Variants in EPHB1 observed in about 807,000 individuals in gnomAD.
EPHB1 encodes EPH receptor B1.
Under a neutral mutation model 94.4 loss-of-function variants are expected in EPHB1, and 30 were observed. The observed-to-expected ratio is 0.32, with a 90% CI of 0.24 to 0.43. EPHB1 has a LOEUF of 0.43. Ranked by LOEUF, EPHB1 falls within the 20% of genes least tolerant of loss-of-function variation. The pLI is 1.00. For missense variants in EPHB1, 1,055 were observed against 1,308.3 expected (o/e 0.81, Z 2.99); for synonymous variants, 522 against 489.1 (o/e 1.07, Z -0.89).
chr3:134,807,548 AGAG>A (rs1444504513), intron 1 of EPHB1, among the ~76,000 whole-genome samples: 8 of 4,202 alleles, frequency 1.9e-3, no homozygotes, highest in African/African-American at 3.8e-3. Flanking sequence ...TGTGAGAGAG[AGAG>A]GGGAGAGAGA....
chr3:135,198,968 C>CTTTT (rs538352424), intron 11 of EPHB1, among the ~76,000 whole-genome samples: 43 of 152,274 alleles, frequency 2.8e-4, no homozygotes, highest in African/African-American at 1.0e-3. Context: ...ATTTCTTGGT[C>CTTTT]TTTTTTGACC....
intron 5 of EPHB1, among the ~76,000 whole-genome samples, chr3:135,147,834 A>C (rs1941063913): frequency 2.0e-5 from 3 of 152,216 alleles, no homozygotes; most frequent in Admixed American, 2.0e-4. Context: ...TAGAGCTGGC[A>C]AGAGATGTCC....
chr3:134,951,976 T>G lies in EPHB1; in HGVS notation c.729T>G (p.Asp243Glu). 6.2e-7 allele frequency: 1 copy of G among 1,613,988 alleles called. No individual in the cohort carries two copies. The highest frequency in any genetic ancestry group is 8.5e-7 in the Non-Finnish European group (1 of 1,179,884). ...DVPIKLYCNG[D>E]GEWMVPIGRC... ...CCATCAAACTCTACTGCAACGGGGA[T>G]GGGGAATGGATGGTGCCTATTGGGC... The change falls in exon 3 of 16, where the codon GAT becomes GAG. Residue 243 changes from aspartate (D) to glutamate (E), a missense_variant. Physicochemically the swap from Asp to Glu is conservative, Grantham distance 45. Transcript: ENST00000398015. The surrounding 1 kb of genome is among the most constrained non-coding windows in gnomAD (Gnocchi z 4.5).
At chr3:134,918,395 A>G (rs1398607610) in intron 1 of EPHB1, among the ~76,000 whole-genome samples, 2 of 152,198 alleles carry the variant, frequency 1.3e-5, no homozygotes, top group Non-Finnish European at 2.9e-5. Flanking sequence ...CATATCTTGG[A>G]GTTAGTGGAG....
chr3:135,186,455 T>C (rs973587572), intron 10 of EPHB1, among the ~76,000 whole-genome samples: 3 of 152,254 alleles, frequency 2.0e-5, no homozygotes, highest in African/African-American at 7.2e-5. Context: ...AAAACTTGCT[T>C]GAAATCATGC....
chr3:135,100,176 TCCTC>T (rs1452048399), intron 3 of EPHB1, among the ~76,000 whole-genome samples: 1 of 152,056 alleles, frequency 6.6e-6, no homozygotes, highest in African/African-American at 2.4e-5. Flanking sequence ...AGGAGAGACT[TCCTC>T]CCTGCGGTGT....
intron 3 of EPHB1, among the ~76,000 whole-genome samples, chr3:135,024,789 T>C (rs1006757910): frequency 7.2e-5 from 11 of 152,226 alleles, no homozygotes; most frequent in African/African-American, 1.9e-4. Context: ...TTCTTAGATA[T>C]ACTCCCATTT....
At chr3:135,089,996 C>G (rs1317123593) in intron 3 of EPHB1, among the ~76,000 whole-genome samples, 1 of 152,184 alleles carries the variant, frequency 6.6e-6, no homozygotes, top group Non-Finnish European at 1.5e-5. Context: ...CACTGACAAA[C>G]CTGAAGGCAG....
chr3:135,046,612 A>G (rs998368477), intron 3 of EPHB1, among the ~76,000 whole-genome samples: 2 of 152,210 alleles, frequency 1.3e-5, no homozygotes, highest in African/African-American at 4.8e-5. Context: ...AGTCTAAAAT[A>G]TTAATCCTTC....
chr3:134,846,558 G>A (rs891926515), intron 1 of EPHB1, among the ~76,000 whole-genome samples: 5 of 152,224 alleles, frequency 3.3e-5, no homozygotes, highest in Admixed American at 3.3e-4. Context: ...ATGCCTGTTC[G>A]GTGGTAAAAT....
intron 1 of EPHB1, among the ~76,000 whole-genome samples, chr3:134,903,052 C>T (rs2038235526): frequency 6.6e-6 from 1 of 152,234 alleles, no homozygotes; most frequent in Non-Finnish European, 1.5e-5. Flanking sequence ...TTTCAGGACA[C>T]ATGGTCCTGA....
At chr3:135,020,225 G>A (rs1367872140) in intron 3 of EPHB1, among the ~76,000 whole-genome samples, 9 of 152,086 alleles carry the variant, frequency 5.9e-5, no homozygotes, top group Admixed American at 5.2e-4. Context: ...CTTCCCGTTG[G>A]TTATTTGCCA....
At chr3:134,851,064 G>A (rs955819829) in intron 1 of EPHB1, among the ~76,000 whole-genome samples, 5 of 152,240 alleles carry the variant, frequency 3.3e-5, no homozygotes, top group African/African-American at 4.8e-5. Context: ...GAAGATCTGA[G>A]TGTGTTTGAA....
intron 3 of EPHB1, among the ~76,000 whole-genome samples, chr3:135,052,510 T>G (rs1182946375): frequency 6.6e-6 from 1 of 152,084 alleles, no homozygotes; most frequent in Non-Finnish European, 1.5e-5. Flanking sequence ...CTGACAGCAC[T>G]GTGGCCAAGT....
chr3:134,878,493 C>T (rs1002900566), intron 1 of EPHB1, among the ~76,000 whole-genome samples: 33 of 152,318 alleles, frequency 2.2e-4, no homozygotes, highest in African/African-American at 7.7e-4. Context: ...AAGATAGCTC[C>T]TCTCCTAAGG....
At chr3:134,941,752 G>C (rs9713964) in intron 2 of EPHB1, among the ~76,000 whole-genome samples, 2,326 of 134,694 alleles carry the variant, frequency 0.017, 70 homozygotes, top group South Asian at 0.036. Flanking sequence ...TATGCACACA[G>C]ACACACACAC....
intron 1 of EPHB1, among the ~76,000 whole-genome samples, chr3:134,819,572 G>C (rs1007610045): frequency 6.6e-6 from 1 of 152,180 alleles, no homozygotes; most frequent in African/African-American, 2.4e-5. Flanking sequence ...GTATGTAGCA[G>C]ACACTCAATA....
chr3:135,201,370 C>A, intron 11 of EPHB1, 104 bp from the exon 12 acceptor site: 1 of 1,172,370 alleles, frequency 8.5e-7, no homozygotes, highest in Non-Finnish European at 1.3e-6. Context: ...GTGGCTTGGC[C>A]TGGAGCAGAC....
At chr3:135,040,099 G>A (rs1936786325) in intron 3 of EPHB1, among the ~76,000 whole-genome samples, 2 of 152,138 alleles carry the variant, frequency 1.3e-5, no homozygotes, top group African/African-American at 4.8e-5. Flanking sequence ...AATCTTTGTA[G>A]ATAACAAAAA....
Sources: gnomAD v4.1 joint callset for allele counts (sites outside exome capture counted in the v4.1 genomes callset) on GRCh38, gnomAD v4.1.1 for gene constraint, Gnocchi (gnomAD v3.1) non-coding constraint, MANE v1.5 for transcripts, NCBI Gene and HGNC (gene_info 2026-07-23, HGNC 2026-07-21) for gene names.